Variants in ANO6 observed in about 807,000 individuals in gnomAD.
ANO6 encodes anoctamin-6.
In ANO6, 106 loss-of-function variants were observed where a neutral mutation model predicts 117.5. The observed-to-expected ratio is 0.90, with a 90% CI of 0.77 to 1.06. The LOEUF (loss-of-function observed/expected upper bound fraction) is 1.06. Ranked by LOEUF, ANO6 falls within the 50% of genes least tolerant of loss-of-function variation. The probability of loss-of-function intolerance (pLI) is 0.00; values close to 1 mark genes in which losing one functional copy is unlikely to be tolerated. For missense variants in ANO6, 955 were observed against 1,121.1 expected, an observed-to-expected ratio of 0.85 and a Z score of 2.12; for synonymous variants, 367 against 385.1, an observed-to-expected ratio of 0.95 and a Z score of 0.55.
intron 9 of ANO6, among the ~76,000 whole-genome samples, chr12:45,377,109 A>T (rs1942047305): frequency 6.6e-6 from 1 of 151,872 alleles, no homozygotes; most frequent in Non-Finnish European, 1.5e-5. Flanking sequence ...TCTACTTTGA[A>T]GCAGCTTTGA....
At chr12:45,218,028 A>G (rs3759078) in intron 1 of ANO6, among the ~76,000 whole-genome samples, 1 of 152,338 alleles carries the variant, frequency 6.6e-6, no homozygotes, top group East Asian at 1.9e-4. Flanking sequence ...CATCGTATAA[A>G]TTCATCTTAA....
intron 19 of ANO6, among the ~76,000 whole-genome samples, chr12:45,427,265 A>G (rs1943525455): frequency 6.6e-6 from 1 of 152,026 alleles, no homozygotes; most frequent in East Asian, 1.9e-4. Context: ...TCTCTCACTC[A>G]GAGTCAGAGC....
At chr12:45,216,527 A>G (rs1947315225) in intron 1 of ANO6, 136 bp downstream of exon 1, 1 of 995,890 alleles carries the variant, frequency 1.0e-6, no homozygotes, top group South Asian at 1.6e-5. Flanking sequence ...CAGGGGAGGA[A>G]GCCCGCTGTC....
intron 10 of ANO6, among the ~76,000 whole-genome samples, chr12:45,383,586 C>T (rs918764129): frequency 3.9e-5 from 6 of 152,112 alleles, no homozygotes; most frequent in Admixed American, 6.5e-5. Flanking sequence ...GGCTGCAGAA[C>T]GGATGTTGTG....
intron 2 of ANO6, among the ~76,000 whole-genome samples, chr12:45,319,823 A>G (rs1353937743): frequency 2.0e-5 from 3 of 152,162 alleles, no homozygotes; most frequent in African/African-American, 2.4e-5. Flanking sequence ...GAGCGATTCA[A>G]CTTCTTCCTG....
chr12:45,371,241 A>C (rs1219750993), intron 9 of ANO6, among the ~76,000 whole-genome samples: 1 of 152,160 alleles, frequency 6.6e-6, no homozygotes, highest in Non-Finnish European at 1.5e-5. Flanking sequence ...TTGCTAGCAC[A>C]GCAGTCTGAG....
intron 17 of ANO6, among the ~76,000 whole-genome samples, chr12:45,417,163 G>A (rs1196849129): frequency 6.6e-6 from 1 of 152,132 alleles, no homozygotes; most frequent in Non-Finnish European, 1.5e-5. Context: ...ATGAAATATG[G>A]TAATGATAAG....
chr12:45,216,428 C>A, intron 1 of ANO6, 37 bp downstream of exon 1: 1 of 1,597,184 alleles, frequency 6.3e-7, no homozygotes, highest in East Asian at 2.3e-5. Context: ...CCCGAGAGCC[C>A]GAGCCGACGC....
intron 1 of ANO6, among the ~76,000 whole-genome samples, chr12:45,229,438 G>T (rs1224278575): frequency 2.2e-5 from 3 of 135,498 alleles, no homozygotes; most frequent in Admixed American, 8.3e-5. Flanking sequence ...CGCCCAGGCT[G>T]GAGTGCAATG....
intron 2 of ANO6, among the ~76,000 whole-genome samples, chr12:45,307,823 G>GA (rs1196552428): frequency 2.6e-5 from 4 of 152,054 alleles, no homozygotes; most frequent in Middle Eastern, 3.2e-3. Context: ...AGTCTTGGAA[G>GA]CCAAGTGAAG....
chr12:45,331,911 C>T (rs1477869737), intron 3 of ANO6, among the ~76,000 whole-genome samples: 1 of 152,020 alleles, frequency 6.6e-6, no homozygotes, highest in Non-Finnish European at 1.5e-5. Context: ...GATGAATATA[C>T]AAGGTCATGG....
intron 9 of ANO6, among the ~76,000 whole-genome samples, chr12:45,372,817 C>A (rs922803316): frequency 6.6e-6 from 1 of 152,154 alleles, no homozygotes; most frequent in African/African-American, 2.4e-5. Flanking sequence ...AGAGCAAAAT[C>A]ACCAGCTAAC....
chr12:45,298,209 TA>T (rs1435942291), intron 1 of ANO6, among the ~76,000 whole-genome samples: 1 of 152,216 alleles, frequency 6.6e-6, no homozygotes, highest in Non-Finnish European at 1.5e-5. Context: ...GTGCTGAAAT[TA>T]AATGAACTAA....
intron 1 of ANO6, among the ~76,000 whole-genome samples, chr12:45,224,508 T>G (rs551574826): frequency 5.3e-5 from 8 of 152,200 alleles, no homozygotes; most frequent in Non-Finnish European, 1.2e-4. Context: ...AAACTCTCTT[T>G]TAGAATAGTC....
intron 1 of ANO6, among the ~76,000 whole-genome samples, chr12:45,245,536 C>G (rs1947812120): frequency 6.6e-6 from 1 of 151,088 alleles, no homozygotes. Flanking sequence ...TGCTTTTTCA[C>G]TGTTTTACAG....
In ANO6 at chr12:45,416,813, A is replaced by C; in HGVS notation, c.2126A>C (p.Gln709Pro). The C allele has an allele frequency of 1.2e-6, 2 of 1,614,162 alleles. No homozygotes were observed. The highest frequency in any genetic ancestry group is 8.5e-7 in the Non-Finnish European group (1 of 1,180,026). Residue 709 changes from glutamine (Q) to proline (P), a missense_variant, in exon 17 of 20, where the codon CAG becomes CCG. Transcript: ENST00000320560. Reference protein sequence around the residue: ...IRVDAWKLTTQFRRLVPEKAQ... With the variant: ...IRVDAWKLTTPFRRLVPEKAQ... ...GTGGACGCATGGAAACTGACCACCC[A>C]GTTTAGACGCCTGGTACCAGAGAAA...
At chr12:45,301,910 T>C in intron 1 of ANO6, 104 bp from the exon 2 acceptor site, 2 of 921,654 alleles carry the variant, frequency 2.2e-6, no homozygotes, top group Admixed American at 1.8e-5. Flanking sequence ...CCTGTCAATG[T>C]GCTACCAATG....
chr12:45,424,038 A>T (rs528844870), intron 19 of ANO6, among the ~76,000 whole-genome samples: 65 of 149,632 alleles, frequency 4.3e-4, no homozygotes, highest in African/African-American at 1.5e-3. Context: ...TTTTTTTTTT[A>T]AATAGCTACC....
chr12:45,384,373 G>A (rs1309147308), intron 10 of ANO6, among the ~76,000 whole-genome samples: 1 of 152,178 alleles, frequency 6.6e-6, no homozygotes, highest in Non-Finnish European at 1.5e-5. Context: ...TATCCTTCAA[G>A]AACTTTTCCT....
Sources: allele counts gnomAD v4.1 joint callset (sites outside exome capture counted in the v4.1 genomes callset), GRCh38; gene constraint gnomAD v4.1.1; transcripts MANE v1.5; gene names NCBI Gene and HGNC (gene_info 2026-07-23, HGNC 2026-07-21).